The following THADA variants were observed in gnomAD, a reference collection of about 807,000 sequenced individuals.
THADA encodes the protein THADA armadillo repeat containing.
In THADA, 213 loss-of-function variants were observed where a neutral mutation model predicts 219.8. The observed-to-expected ratio is 0.97, with a 90% CI of 0.87 to 1.09. THADA has a LOEUF of 1.09. Among genes scored for constraint, THADA ranks in the 50% least tolerant of loss-of-function variants. The pLI is 0.00. For synonymous variants in THADA, 1,018 were observed against 828.9 expected, an observed-to-expected ratio of 1.23 and a Z score of -3.92; for missense variants, 2,956 against 2,311.3, an observed-to-expected ratio of 1.28 and a Z score of -5.72.
At chr2:43,432,013 C>T (rs1371518348) in intron 26 of THADA, among the ~76,000 whole-genome samples, 1 of 130,230 alleles carries the variant, frequency 7.7e-6, no homozygotes, top group East Asian at 2.0e-4. Context: ...CCCGCCACTA[C>T]GCCCGGCTAA....
chr2:43,502,357 G>A (rs2105073848), intron 24 of THADA, among the ~76,000 whole-genome samples: 1 of 152,224 alleles, frequency 6.6e-6, no homozygotes, highest in Non-Finnish European at 1.5e-5. Flanking sequence ...GGCCAAGGCG[G>A]GAGAATCACC....
intron 29 of THADA, among the ~76,000 whole-genome samples, chr2:43,395,368 G>T (rs1573442723): frequency 6.6e-6 from 1 of 152,192 alleles, no homozygotes; most frequent in African/African-American, 2.4e-5. Context: ...CAGAGCAAAT[G>T]ATAATTTTTG....
rs1179084624 is a variant in THADA at position 43,514,813 on chromosome 2, TATA to T, written c.3375-6036_3375-6034del. On this transcript the variant is annotated intron_variant, in intron 22 of 37. Transcript: ENST00000405975. ...TAATATGTACAATATATATTTTATATATAATAATATGTACAATATATATTTTAT... is the reference window on the plus strand; with the variant it reads ...TAATATGTACAATATATATTTTATATATAATATGTACAATATATATTTTAT... 6.5e-4 allele frequency among the ~76,000 whole-genome samples: 61 copies of T among 93,300 alleles called. 5 individuals are homozygous for T. Among genetic ancestry groups the T allele is most frequent in the East Asian group, 1.7e-3 (5 of 2,906 alleles). The allele number at this position is 93,300 out of a possible 152,430, so 61.2% of individuals were successfully genotyped here.
At chr2:43,456,922 T>C (rs1683068324) in intron 26 of THADA, among the ~76,000 whole-genome samples, 1 of 152,132 alleles carries the variant, frequency 6.6e-6, no homozygotes, top group South Asian at 2.1e-4. Flanking sequence ...ATACACAAAG[T>C]ACAGGCATTG....
chr2:43,461,932 A>G (rs7561287), intron 26 of THADA, among the ~76,000 whole-genome samples: 17,826 of 152,242 alleles, frequency 0.12, 1,233 homozygotes, highest in African/African-American at 0.18. Flanking sequence ...GGCTCCAGGC[A>G]ATACCACAGC....
chr2:43,394,360 T>C (rs923258453), intron 29 of THADA, among the ~76,000 whole-genome samples: 2 of 152,238 alleles, frequency 1.3e-5, no homozygotes, highest in African/African-American at 4.8e-5. Flanking sequence ...AGGTATACTA[T>C]AGAAATACTC....
chr2:43,438,417 G>A (rs760976716), intron 26 of THADA, among the ~76,000 whole-genome samples: 1 of 151,974 alleles, frequency 6.6e-6, no homozygotes, highest in Non-Finnish European at 1.5e-5. Flanking sequence ...ACTGTTCATG[G>A]AAATGAAAAT....
At chr2:43,342,962 C>T (rs974891306) in intron 30 of THADA, 2 of 152,122 alleles carry the variant, frequency 1.3e-5, no homozygotes, top group African/African-American at 4.8e-5. Flanking sequence ...GAGGCTTCTA[C>T]TTTAGACAGC....
chr2:43,377,531 C>T (rs1238892276), intron 29 of THADA, among the ~76,000 whole-genome samples: 1 of 152,122 alleles, frequency 6.6e-6, no homozygotes, highest in Non-Finnish European at 1.5e-5. Context: ...AGATGCTGAG[C>T]TGAGAGCACT....
intron 29 of THADA, among the ~76,000 whole-genome samples, 174 bp from the exon 30 acceptor site, chr2:43,344,411 C>G (rs1177197687): frequency 6.6e-6 from 1 of 152,184 alleles, no homozygotes; most frequent in Admixed American, 6.5e-5. Context: ...TGTAGCAGTG[C>G]CGAGAAACCC....
intron 35 of THADA, among the ~76,000 whole-genome samples, chr2:43,280,897 G>GTTC (rs1225470275): frequency 6.6e-6 from 1 of 152,236 alleles, no homozygotes; most frequent in Non-Finnish European, 1.5e-5. Context: ...AAATTGTGTG[G>GTTC]CTGTGATTCC....
chr2:43,292,960 G>T lies in THADA; in HGVS notation c.4692C>A (p.Leu1564=). 6.2e-7 allele frequency: 1 copy of T among 1,614,036 alleles called. No individual in the cohort carries two copies. Among genetic ancestry groups the T allele is most frequent in the South Asian group, 1.1e-5 (1 of 91,080 alleles). ...AGGCTGCTGCTAAGAACTTTTCCAA[G>T]AGGGCTTCCAGTGTTAGTGAGCGCA... is the stretch of plus-strand genomic sequence containing the variant. ...PEVRSLTLEA[L]LEKFLAAASG... The change falls in exon 32 of 38, where the codon CTC becomes CTA. Residue 1564 remains leucine, a synonymous_variant. Coordinates refer to ENST00000405975, the MANE Select transcript of THADA (RefSeq NM_022065.5).
Position 43,398,001 on chromosome 2 carries a change from C to T in THADA, c.4197G>A (p.Arg1399=). 2.5e-6 allele frequency: 4 copies of T among 1,613,802 alleles called. No individual in the cohort carries two copies. Among genetic ancestry groups the T allele is most frequent in the Non-Finnish European group, 3.4e-6 (4 of 1,179,772 alleles). Residue 1399 remains arginine (R), a synonymous_variant, in exon 29 of 38, where the codon CGG becomes CGA. Transcript: ENST00000405975. The part of the protein sequence containing the change: ...TLPSCTDQCF[R]QNHIHGTLLQ... Reference sequence around the variant, plus strand: ...GAAGTGTCCCATGAATGTGGTTTTGCCGGAAACACTGGTCAGTGCAGCTGG... The same window carrying T: ...GAAGTGTCCCATGAATGTGGTTTTGTCGGAAACACTGGTCAGTGCAGCTGG...
intron 23 of THADA, among the ~76,000 whole-genome samples, chr2:43,506,380 C>T (rs755690973): frequency 2.6e-5 from 4 of 152,120 alleles, no homozygotes; most frequent in Non-Finnish European, 4.4e-5. Context: ...GGGTATTAAG[C>T]CACTTGAGGC....
In THADA at chr2:43,279,790, T is replaced by C; in HGVS notation, c.5271A>G (p.Ser1757=). ...AATETVTTAM[S]QENTCQSTEF... Reference sequence around the variant, plus strand: ...CTGTTGACTGGCAGGTATTTTCTTGTGACATGGCAGTTGTCACGGTTTCCG... The same window carrying C: ...CTGTTGACTGGCAGGTATTTTCTTGCGACATGGCAGTTGTCACGGTTTCCG... Residue 1757 remains serine, a synonymous_variant, in exon 36 of 38, where the codon TCA becomes TCG. Transcript: ENST00000405975. 2 of 1,551,612 alleles carry C rather than the reference T, an allele frequency of 1.3e-6. No homozygotes were observed. Among genetic ancestry groups the C allele is most frequent in the Non-Finnish European group, 1.7e-6 (2 of 1,147,070 alleles).
intron 31 of THADA, among the ~76,000 whole-genome samples, chr2:43,310,230 C>CA (rs35389645): frequency 8.2e-6 from 1 of 122,592 alleles, no homozygotes; most frequent in East Asian, 3.0e-4. Context: ...TTTCCCGCCC[C>CA]CCCCCCAAAC....
intron 31 of THADA, among the ~76,000 whole-genome samples, chr2:43,318,872 T>C (rs967222011): frequency 2.0e-5 from 3 of 152,118 alleles, no homozygotes; most frequent in African/African-American, 4.8e-5. Context: ...GGATGGGTAG[T>C]TGGGGAAGAA....
chr2:43,374,992 G>A (rs1671210537), intron 29 of THADA, among the ~76,000 whole-genome samples: 1 of 151,838 alleles, frequency 6.6e-6, no homozygotes, highest in Admixed American at 6.6e-5. Context: ...GACAAAGACA[G>A]CTTTCAGTCT....
intron 22 of THADA, among the ~76,000 whole-genome samples, 190 bp downstream of exon 22, chr2:43,527,689 T>A (rs991086228): frequency 6.6e-6 from 1 of 152,206 alleles, no homozygotes; most frequent in Non-Finnish European, 1.5e-5. Flanking sequence ...TAACTCAGTT[T>A]GGACGTTTCA....
Sources: allele counts gnomAD v4.1 joint callset (sites outside exome capture counted in the v4.1 genomes callset), GRCh38; gene constraint gnomAD v4.1.1; transcripts MANE v1.5; gene names NCBI Gene and HGNC (gene_info 2026-07-23, HGNC 2026-07-21).